The following MPDZ variants were observed in gnomAD, a reference collection of about 807,000 sequenced individuals.
MPDZ encodes multiple PDZ domain crumbs cell polarity complex component.
A neutral mutation model predicts 239.1 loss-of-function variants in MPDZ; 234 were observed. That is an observed-to-expected ratio of 0.98 (90% CI 0.88 to 1.09). The LOEUF (loss-of-function observed/expected upper bound fraction) is 1.09, where lower values mean the gene tolerates loss of function less well. MPDZ is among the 50% of genes least tolerant of loss of function. The pLI is 0.00. For missense variants in MPDZ, 3,175 were observed against 2,510.0 expected (o/e 1.26, Z -5.66); for synonymous variants, 1,048 against 881.3 (o/e 1.19, Z -3.35).
intron 1 of MPDZ, among the ~76,000 whole-genome samples, chr9:13,259,412 A>G (rs1258243743): frequency 6.6e-6 from 1 of 152,192 alleles, no homozygotes; most frequent in African/African-American, 2.4e-5. Context: ...TCATTCACTG[A>G]TTCTGCAAAT....
chr9:13,197,527 T>A (rs531512663), intron 12 of MPDZ, among the ~76,000 whole-genome samples: 2 of 152,300 alleles, frequency 1.3e-5, no homozygotes, highest in South Asian at 4.1e-4. Flanking sequence ...GATATTTTGA[T>A]ACATGTATAT....
At chr9:13,194,280 C>T (rs2135175687) in intron 13 of MPDZ, among the ~76,000 whole-genome samples, 1 of 151,950 alleles carries the variant, frequency 6.6e-6, no homozygotes, top group African/African-American at 2.4e-5. Flanking sequence ...AGGAATGCCA[C>T]CAAGAAAGCA....
In MPDZ at chr9:13,154,348, C is replaced by T. The variant is rs537897479; in HGVS notation, c.3453-3660G>A. Among the ~76,000 whole-genome samples the T allele has an allele frequency of 1.8e-4, 27 of 152,102 alleles. 1 individual carries two copies. The highest frequency in any genetic ancestry group is 1.0e-3 in the South Asian group (5 of 4,814). ...GTTATGTAGGGAAAAAAAAGGCAGC[C>T]TATTTGAGTTTTATACATAGGTTTA... On this transcript the variant is annotated intron_variant, in intron 24 of 46. Transcript: ENST00000319217.
Position 13,222,334 on chromosome 9 carries a change from C to G in MPDZ, c.646G>C (p.Val216Leu), listed in dbSNP as rs765230349. The G allele has an allele frequency of 1.2e-6, 2 of 1,613,036 alleles. No individual in the cohort carries two copies. The highest frequency in any genetic ancestry group is 2.2e-5 in the South Asian group (2 of 91,060). ...ISILQKAKDT[V>L]QLVIARGSLP... ...GAGCCTCTGGCAATAACTAGCTGGA[C>G]AGTATCTTTGGCTTTCTGCAGGATG... Residue 216 changes from valine (V) to leucine (L), a missense_variant, in exon 6 of 47, where the codon GTC (valine) becomes CTC (leucine). Val to Leu is a conservative substitution (Grantham distance 32, BLOSUM62 1). Coordinates refer to ENST00000319217, the MANE Select transcript of MPDZ (RefSeq NM_001378778.1).
chr9:13,200,424 T>C (rs991469318), intron 12 of MPDZ, among the ~76,000 whole-genome samples: 1 of 152,016 alleles, frequency 6.6e-6, no homozygotes, highest in African/African-American at 2.4e-5. Context: ...TTCGTCTCAA[T>C]TTCATTTATT....
intron 15 of MPDZ, among the ~76,000 whole-genome samples, chr9:13,191,586 T>C (rs1587669517): frequency 6.6e-6 from 1 of 152,168 alleles, no homozygotes; most frequent in East Asian, 1.9e-4. Flanking sequence ...AAAAGGATAG[T>C]ATGTAAACAA....
rs540841031 is a variant in MPDZ at position 13,189,649 on chromosome 9, C to T, written c.2154+465G>A. The stretch of plus-strand genomic sequence containing the variant: ...TCCTCCCTTAGCAAAGAATGCAATG[C>T]AAGCAGGGACAAAGGCCAACTTGAC... On this transcript the variant is annotated intron_variant, in intron 16 of 46. Coordinates refer to ENST00000319217, the MANE Select transcript of MPDZ (RefSeq NM_001378778.1). Among the ~76,000 whole-genome samples, 4 of 152,222 alleles carry T rather than the reference C, an allele frequency of 2.6e-5. No homozygotes were observed. The South Asian group carries it at 8.3e-4, about 32-fold the overall frequency.
intron 1 of MPDZ, among the ~76,000 whole-genome samples, chr9:13,261,671 C>T (rs1029601834): frequency 6.6e-6 from 1 of 151,988 alleles, no homozygotes; most frequent in Non-Finnish European, 1.5e-5. Flanking sequence ...CTATAAAGTT[C>T]TGTTTTGCTC....
chr9:13,257,979 C>T (rs1011900866), intron 1 of MPDZ, among the ~76,000 whole-genome samples: 8 of 152,168 alleles, frequency 5.3e-5, no homozygotes, highest in African/African-American at 1.9e-4. Flanking sequence ...TTCACGCTTC[C>T]TGTAAAACTT....
intron 46 of MPDZ, among the ~76,000 whole-genome samples, chr9:13,108,491 A>T (rs2130978001): frequency 6.6e-6 from 1 of 152,240 alleles, no homozygotes; most frequent in Non-Finnish European, 1.5e-5. Flanking sequence ...AATTAAATTT[A>T]TAAAATAAAT....
intron 38 of MPDZ, 74 bp from the exon 39 acceptor site, chr9:13,119,723 G>C: frequency 6.4e-7 from 1 of 1,571,968 alleles, no homozygotes; most frequent in Non-Finnish European, 8.7e-7. Context: ...AAAAAGTTAC[G>C]TTTTTACCCA....
rs761206545 is a variant in MPDZ, at chr9:13,150,555, C to G, written c.3586G>C (p.Ala1196Pro). The G allele has an allele frequency of 3.2e-6, 5 of 1,575,994 alleles. No homozygotes were observed. The highest frequency in any genetic ancestry group is 4.3e-6 in the Non-Finnish European group (5 of 1,159,572). Residue 1196 changes from alanine (A) to proline (P), a missense_variant, in exon 25 of 47, where the codon GCT becomes CCT. Transcript: ENST00000319217. ...FIKHVLEDSPAGKNGTLKPGD... is the reference protein window; with the variant it reads ...FIKHVLEDSPPGKNGTLKPGD... ...GGTTTCAAGGTTCCATTTTTGCCAG[C>G]TGGACTATCTTCCAGAACATGTTTG...
At chr9:13,278,798 G>C (rs1303992045) in intron 1 of MPDZ, among the ~76,000 whole-genome samples, 1 of 152,166 alleles carries the variant, frequency 6.6e-6, no homozygotes, top group African/African-American at 2.4e-5. Context: ...GCTAAGGCGA[G>C]AACGCAGGAC....
At chr9:13,175,329 T>C (rs796544115) in intron 21 of MPDZ, among the ~76,000 whole-genome samples, 2 of 152,200 alleles carry the variant, frequency 1.3e-5, no homozygotes, top group South Asian at 4.1e-4. Flanking sequence ...TTTTAGTCTT[T>C]CTTTCAGTGA....
intron 1 of MPDZ, among the ~76,000 whole-genome samples, chr9:13,268,109 T>G (rs183564720): frequency 3.3e-4 from 50 of 151,884 alleles, no homozygotes; most frequent in Admixed American, 3.2e-3. Flanking sequence ...GAATGGCTAA[T>G]TAATCATGTT....
At chr9:13,203,959 T>C (rs889816685) in intron 12 of MPDZ, among the ~76,000 whole-genome samples, 5 of 152,168 alleles carry the variant, frequency 3.3e-5, no homozygotes, top group African/African-American at 1.2e-4. Flanking sequence ...ATAATTTCTT[T>C]ACTTATTAGT....
chr9:13,125,131 T>A lies in MPDZ; in HGVS notation c.4807+85A>T, dbSNP rs3818595. 7 of 1,284,346 alleles carry A rather than the reference T, an allele frequency of 5.5e-6. No individual in the cohort carries two copies. In the Admixed American group the frequency reaches 1.4e-4, roughly 26 times the overall value. The allele number at this position is 1,284,346 out of a possible 1,614,324, so 79.6% of individuals were successfully genotyped here. A position where few individuals can be genotyped will look rare whatever the true frequency, so the allele number is the denominator to read the frequency against. On this transcript the variant is annotated intron_variant, in intron 35 of 46. Transcript: ENST00000319217. ...AACCTTCCAAACAGTGAGCCACAGG[T>A]AGGCAGCTGGCTCCCAAGCAGAAAC...
chr9:13,109,946 A>C lies in MPDZ; in HGVS notation c.5942+6T>G, dbSNP rs754067854. ...ATGATACACTAATCATCATGTATGA[A>C]CTCACCCTAAATCATCCTGAAATAT... On this transcript the variant is annotated splice_donor_region_variant and intron_variant, in intron 45 of 46. Transcript: ENST00000319217. The C allele has an allele frequency of 6.2e-7, 1 of 1,606,430 alleles. No homozygotes were observed. Among genetic ancestry groups the C allele is most frequent in the Non-Finnish European group, 8.5e-7 (1 of 1,174,838 alleles).
intron 24 of MPDZ, among the ~76,000 whole-genome samples, chr9:13,156,294 C>T (rs547509132): frequency 1.0e-3 from 155 of 152,264 alleles, no homozygotes; most frequent in African/African-American, 3.7e-3. Context: ...CTTACTGACA[C>T]CAACCATTTT....
Sources: allele counts gnomAD v4.1 joint callset (sites outside exome capture counted in the v4.1 genomes callset), GRCh38; gene constraint gnomAD v4.1.1; transcripts MANE v1.5; gene names NCBI Gene and HGNC (gene_info 2026-07-23, HGNC 2026-07-21).